KALRN: variants seen among roughly 807,000 people sequenced by gnomAD.
KALRN encodes kalirin.
In KALRN, 70 loss-of-function variants were observed where a neutral mutation model predicts 353.7. The observed-to-expected ratio is 0.20, with a 90% CI of 0.16 to 0.24. KALRN has a LOEUF of 0.24. Ranked by LOEUF, KALRN falls within the 10% of genes least tolerant of loss-of-function variation. The pLI is 1.00. For missense variants in KALRN, 2,791 were observed against 3,756.7 expected (o/e 0.74, Z 6.72); for synonymous variants, 1,391 against 1,434.8 (o/e 0.97, Z 0.69).
intron 33 of KALRN, among the ~76,000 whole-genome samples, chr3:124,547,168 T>G (rs2069781146): frequency 6.6e-6 from 1 of 152,142 alleles, no homozygotes; most frequent in Admixed American, 6.5e-5. Context: ...TAAATTTTAT[T>G]TATTTATTTT....
chr3:124,105,003 G>A (rs1364704721), intron 1 of KALRN, among the ~76,000 whole-genome samples: 1 of 152,154 alleles, frequency 6.6e-6, no homozygotes, highest in Non-Finnish European at 1.5e-5. Flanking sequence ...CAAGGGTCAT[G>A]GGGAACTTCT....
chr3:124,326,087 G>A lies in KALRN; in HGVS notation c.1200G>A (p.Gln400=). 6.2e-7 allele frequency: 1 copy of A among 1,613,928 alleles called. No homozygotes were observed. The highest frequency in any genetic ancestry group is 8.5e-7 in the Non-Finnish European group (1 of 1,179,888). ...QIKQISTQLD[Q]EWKSFAAALD... ...AGCAGATCTCCACCCAGCTGGACCA[G>A]GAGTGGAAGAGCTTCGCTGCTGCCC... Residue 400 remains glutamine, a synonymous_variant, in exon 7 of 60, where the codon CAG becomes CAA. Transcript: ENST00000682506.
At chr3:124,365,858 A>C (rs1299430541) in intron 10 of KALRN, among the ~76,000 whole-genome samples, 1 of 152,246 alleles carries the variant, frequency 6.6e-6, no homozygotes, top group Non-Finnish European at 1.5e-5. Context: ...CAAAACTTAC[A>C]GTGCCACTTC....
intron 1 of KALRN, among the ~76,000 whole-genome samples, chr3:124,175,861 CCT>C (rs1279963280): frequency 1.3e-5 from 2 of 152,178 alleles, no homozygotes; most frequent in Non-Finnish European, 2.9e-5. Flanking sequence ...CTCTAGCTGT[CCT>C]CTCTGAGACT....
At chr3:124,645,657 T>TG (rs1559756782) in intron 37 of KALRN, among the ~76,000 whole-genome samples, 67 of 139,184 alleles carry the variant, frequency 4.8e-4, no homozygotes, top group Non-Finnish European at 6.8e-4. Context: ...TCTCTCTCTC[T>TG]CTGTGCGTGT....
At chr3:124,360,308 T>C (rs1204491717) in intron 10 of KALRN, among the ~76,000 whole-genome samples, 1 of 152,146 alleles carries the variant, frequency 6.6e-6, no homozygotes. Context: ...GAATCTGATA[T>C]GGAGGACAAG....
intron 1 of KALRN, among the ~76,000 whole-genome samples, chr3:124,061,624 A>G (rs1050145135): frequency 6.6e-6 from 1 of 152,210 alleles, no homozygotes; most frequent in Non-Finnish European, 1.5e-5. Flanking sequence ...GAAATAATCT[A>G]ATTTTCCAAA....
rs574204602 is a variant in KALRN, at chr3:124,681,655, G to A, written c.7377+2138G>A. ...TTTTTTTTTTTTTTTTTTTTTTGAC[G>A]TGGAGTCTCTGTCACACAGGCTGGA... On this transcript the variant is annotated intron_variant, in intron 51 of 59. Coordinates refer to ENST00000682506, the MANE Select transcript of KALRN (RefSeq NM_001388419.1). 2.1e-4 allele frequency among the ~76,000 whole-genome samples: 20 copies of A among 93,746 alleles called. No homozygotes were observed. In the East Asian group the frequency reaches 4.5e-3, roughly 21 times the overall value. 61.5% of individuals were successfully genotyped at this position (93,746 alleles called of 152,430 possible). A position where few individuals can be genotyped will look rare whatever the true frequency, so the allele number is the denominator to read the frequency against.
At chr3:124,501,323 G>A (rs73860509) in intron 33 of KALRN, among the ~76,000 whole-genome samples, 119 of 152,286 alleles carry the variant, frequency 7.8e-4, no homozygotes, top group Admixed American at 1.6e-3. Context: ...TGAAATGTGG[G>A]CTGATAATGG....
chr3:124,635,338 T>G (rs752778837), intron 36 of KALRN, among the ~76,000 whole-genome samples: 1 of 152,212 alleles, frequency 6.6e-6, no homozygotes, highest in Non-Finnish European at 1.5e-5. Context: ...CCCACTTGCA[T>G]AAGGTCACCA....
chr3:124,590,372 A>G (rs2075654766), intron 34 of KALRN, among the ~76,000 whole-genome samples: 1 of 152,194 alleles, frequency 6.6e-6, no homozygotes, highest in South Asian at 2.1e-4. Flanking sequence ...CAATGGTTCC[A>G]TAGGGTATAG....
At chr3:124,341,958 T>C (rs569415645) in intron 9 of KALRN, among the ~76,000 whole-genome samples, 1 of 151,498 alleles carries the variant, frequency 6.6e-6, no homozygotes, top group South Asian at 2.1e-4. Flanking sequence ...CAGAGCAAAA[T>C]TTAGGAGATG....
At chr3:124,335,867 C>G (rs2081084538) in intron 9 of KALRN, among the ~76,000 whole-genome samples, 1 of 152,106 alleles carries the variant, frequency 6.6e-6, no homozygotes. Flanking sequence ...TTATATAATA[C>G]AATGTAATCC....
chr3:124,151,384 A>G (rs2149895299), intron 1 of KALRN, among the ~76,000 whole-genome samples: 1 of 152,294 alleles, frequency 6.6e-6, no homozygotes, highest in East Asian at 1.9e-4. Flanking sequence ...TCTGCTAGGT[A>G]TGTGGTAGTG....
At chr3:124,337,059 C>T (rs148321950) in intron 9 of KALRN, among the ~76,000 whole-genome samples, 59 of 152,064 alleles carry the variant, frequency 3.9e-4, no homozygotes, top group African/African-American at 1.3e-3. Flanking sequence ...GATTTTGGGC[C>T]GAGACGATGG....
At chr3:124,273,582 C>A (rs1184517190) in intron 5 of KALRN, among the ~76,000 whole-genome samples, 2 of 152,162 alleles carry the variant, frequency 1.3e-5, no homozygotes, top group Non-Finnish European at 2.9e-5. Context: ...CATAGCCATA[C>A]CTCCAAAAGT....
intron 7 of KALRN, among the ~76,000 whole-genome samples, chr3:124,327,497 A>G (rs2080043812): frequency 6.6e-6 from 1 of 152,212 alleles, no homozygotes. Context: ...AGAGTATTGT[A>G]TATGCTGTTG....
intron 15 of KALRN, among the ~76,000 whole-genome samples, chr3:124,425,769 T>C (rs1576823637): frequency 6.6e-6 from 1 of 152,168 alleles, no homozygotes; most frequent in Non-Finnish European, 1.5e-5. Context: ...AAAATAGAAA[T>C]ATATTTATTC....
At chr3:124,700,578 T>C (rs957184962) in intron 56 of KALRN, among the ~76,000 whole-genome samples, 4 of 152,236 alleles carry the variant, frequency 2.6e-5, no homozygotes, top group African/African-American at 7.2e-5. Flanking sequence ...TAGCTAAATA[T>C]GAGTATTTTA....
Sources: allele counts gnomAD v4.1 joint callset (sites outside exome capture counted in the v4.1 genomes callset), GRCh38; gene constraint gnomAD v4.1.1; transcripts MANE v1.5; gene names NCBI Gene and HGNC (gene_info 2026-07-23, HGNC 2026-07-21).